The following PYGM variants were observed in gnomAD, a reference collection of about 807,000 sequenced individuals.
PYGM encodes the protein glycogen phosphorylase, muscle associated.
In PYGM, 81 loss-of-function variants were observed where a neutral mutation model predicts 99.3. The ratio of observed to expected loss-of-function variants is 0.82; its 90% CI spans 0.68 to 0.98. The LOEUF (loss-of-function observed/expected upper bound fraction) is 0.98. PYGM is among the 50% of genes least tolerant of loss of function. The probability of loss-of-function intolerance (pLI) is 0.00; values close to 1 mark genes in which losing one functional copy is unlikely to be tolerated. For synonymous variants in PYGM, 436 were observed against 451.5 expected, an observed-to-expected ratio of 0.97 and a Z score of 0.44; for missense variants, 1,030 against 1,158.1, an observed-to-expected ratio of 0.89 and a Z score of 1.61.
chr11:64,752,976 TG>T, intron 12 of PYGM, 96 bp downstream of exon 12: 1 of 1,151,196 alleles, frequency 8.7e-7, no homozygotes, highest in Non-Finnish European at 1.3e-6. Context: ...AGCCTTCAGC[TG>T]GGAGCCCTGA....
intron 16 of PYGM, 121 bp downstream of exon 16, chr11:64,751,204 A>T: frequency 1.4e-6 from 2 of 1,447,926 alleles, no homozygotes; most frequent in Non-Finnish European, 1.9e-6. Flanking sequence ...CTCATGGTTT[A>T]AGCATTGCCC....
At chr11:64,756,092 G>A (rs2058393026) in intron 5 of PYGM, among the ~76,000 whole-genome samples, 1 of 152,210 alleles carries the variant, frequency 6.6e-6, no homozygotes, top group Admixed American at 6.5e-5. Flanking sequence ...CGGTGCCAGG[G>A]GTACATTCAC....
In PYGM at chr11:64,747,194, C is replaced by T. The variant is rs750398407; in HGVS notation, c.2312+30G>A. ...AGCCTCGATCTGCCCTGCGGCCCCA[C>T]CTGAGTGATTCCCGGGCCAACCAGC... is the stretch of plus-strand genomic sequence containing the variant. On this transcript the variant is annotated intron_variant, in intron 18 of 19. Coordinates refer to ENST00000164139, the MANE Select transcript of PYGM (RefSeq NM_005609.4). 12 of 1,612,664 alleles carry T rather than the reference C, an allele frequency of 7.4e-6. No homozygotes were observed. In the African/African-American group the frequency reaches 1.2e-4, roughly 16 times the overall value.
Position 64,752,398 on chromosome 11 carries a change from C to T in PYGM, c.1620+5G>A. 1.2e-6 allele frequency: 2 copies of T among 1,613,256 alleles called. No homozygotes were observed. The highest frequency in any genetic ancestry group is 3.3e-4 in the Middle Eastern group (2 of 6,062). ...ACAGCTGTCCCACATTGCATCTCTC[C>T]CCACCTGCTTCACTTTGGCCACATC... On this transcript the variant is annotated splice_donor_5th_base_variant and intron_variant, in intron 13 of 19. Coordinates refer to ENST00000164139, the MANE Select transcript of PYGM (RefSeq NM_005609.4).
intron 1 of PYGM, among the ~76,000 whole-genome samples, chr11:64,759,268 C>T (rs1242969433): frequency 6.6e-6 from 1 of 151,988 alleles, no homozygotes; most frequent in Non-Finnish European, 1.5e-5. Context: ...TTACCAGTGA[C>T]CCCACCGGAC....
intron 17 of PYGM, chr11:64,748,684 T>C (rs765682751): frequency 6.6e-6 from 1 of 152,188 alleles, no homozygotes; most frequent in Non-Finnish European, 1.5e-5. Context: ...GCTCATAGGA[T>C]GGAATGTTAT....
chr11:64,758,755 C>T, intron 1 of PYGM, 51 bp from the exon 2 acceptor site: 1 of 1,499,538 alleles, frequency 6.7e-7, no homozygotes, highest in Non-Finnish European at 9.3e-7. Flanking sequence ...CACACACCAA[C>T]ACTCAGCCAG....
At chr11:64,749,301 C>T (rs927194622) in intron 17 of PYGM, among the ~76,000 whole-genome samples, 4 of 151,868 alleles carry the variant, frequency 2.6e-5, no homozygotes, top group Admixed American at 2.0e-4. Flanking sequence ...GAGCCAAGAT[C>T]GTGCCATTGC....
chr11:64,758,695 A>T lies in PYGM; in HGVS notation c.253T>A (p.Tyr85Asn). 6.2e-7 allele frequency: 1 copy of T among 1,606,074 alleles called. No homozygotes were observed. Among genetic ancestry groups the T allele is most frequent in the Non-Finnish European group, 8.5e-7 (1 of 1,172,778 alleles). Residue 85 changes from tyrosine to asparagine, a missense_variant, in exon 2 of 20, where the codon TAC (tyrosine) becomes AAC (asparagine). Physicochemically the swap from Tyr to Asn is moderately radical, Grantham distance 143. Transcript: ENST00000164139. ...YYEKDPKRIYYLSLEFYMGRT... is the reference protein window; with the variant it reads ...YYEKDPKRIYNLSLEFYMGRT... ...CCCATATAGAACTCTAAAGACAGGT[A>T]GTAGATCCTCTGCCCAGAGAGACGG...
Position 64,754,209 on chromosome 11 carries a change from G to A in PYGM, c.1092+44C>T, listed in dbSNP as rs777368356. 5.7e-6 allele frequency: 9 copies of A among 1,588,636 alleles called. No individual in the cohort carries two copies. The highest frequency in any genetic ancestry group is 4.5e-5 in the East Asian group (2 of 44,752). On this transcript the variant is annotated intron_variant, in intron 9 of 19. Transcript: ENST00000164139. This position sits in a 1 kb window ranked among gnomAD's most constrained non-coding sequence, Gnocchi z 5.5. ...GCTCCCAAACTGGGAAGGGAACCCCGAGGCAGAGAGCATCAGATGGGGCAG... is the reference window on the plus strand; with the variant it reads ...GCTCCCAAACTGGGAAGGGAACCCCAAGGCAGAGAGCATCAGATGGGGCAG...
chr11:64,759,516 A>G, intron 1 of PYGM, 140 bp downstream of exon 1: 1 of 1,397,642 alleles, frequency 7.2e-7, no homozygotes, highest in Admixed American at 1.9e-5. Flanking sequence ...AGATTGTCCC[A>G]GCACCCCTTG....
intron 17 of PYGM, among the ~76,000 whole-genome samples, chr11:64,749,232 A>G (rs958695875): frequency 2.6e-5 from 4 of 151,976 alleles, no homozygotes; most frequent in African/African-American, 9.7e-5. Flanking sequence ...CTGTAATCCC[A>G]GCTACTCAGG....
chr11:64,747,369 A>G lies in PYGM; in HGVS notation c.2178-11T>C. ...TCCTGGGCATTGTACCTGCCAGGACAGAGCTGTGGTCAGCTCCCCGGAAAG... is the reference window on the plus strand; with the variant it reads ...TCCTGGGCATTGTACCTGCCAGGACGGAGCTGTGGTCAGCTCCCCGGAAAG... On this transcript the variant is annotated splice_polypyrimidine_tract_variant and intron_variant, in intron 17 of 19. Coordinates refer to ENST00000164139, the MANE Select transcript of PYGM (RefSeq NM_005609.4). 6.2e-7 allele frequency: 1 copy of G among 1,614,202 alleles called. No individual in the cohort carries two copies. The highest frequency in any genetic ancestry group is 1.1e-5 in the South Asian group (1 of 91,084).
In PYGM at chr11:64,758,458, C is replaced by G. The variant is rs780246932; in HGVS notation, c.403G>C (p.Gly135Arg). Reference protein sequence around the residue: ...EIEEDAGLGNGGLGRLAACFL... With the variant: ...EIEEDAGLGNRGLGRLAACFL... Reference sequence around the variant, plus strand: ...TTACCTGCCAGCCGGCCCAGGCCCCCGTTGCCCAGCCCCGCATCCTCCTCA... The same window carrying G: ...TTACCTGCCAGCCGGCCCAGGCCCCGGTTGCCCAGCCCCGCATCCTCCTCA... Residue 135 changes from glycine to arginine, a missense_variant, in exon 3 of 20, where the codon GGG becomes CGG. Coordinates refer to ENST00000164139, the MANE Select transcript of PYGM (RefSeq NM_005609.4). The G allele has an allele frequency of 1.2e-6, 2 of 1,613,876 alleles. No homozygotes were observed. Among genetic ancestry groups the G allele is most frequent in the East Asian group, 2.2e-5 (1 of 44,896 alleles).
intron 16 of PYGM, 115 bp downstream of exon 16, chr11:64,751,210 T>A: frequency 6.8e-7 from 1 of 1,480,788 alleles, no homozygotes; most frequent in Non-Finnish European, 9.2e-7. Context: ...GTTTAAGCAT[T>A]GCCCTCTCCA....
In PYGM at chr11:64,752,023, G is replaced by A; in HGVS notation, c.1669C>T (p.His557Tyr). Residue 557 changes from histidine to tyrosine, a missense_variant, in exon 14 of 20, where the codon CAC (histidine) becomes TAC (tyrosine). By Grantham distance (83) the His-to-Tyr change is moderately conservative (BLOSUM62 2). Coordinates refer to ENST00000164139, the MANE Select transcript of PYGM (RefSeq NM_005609.4). Reference protein sequence around the residue: ...AAYLEREYKVHINPNSLFDIQ... With the variant: ...AAYLEREYKVYINPNSLFDIQ... ...TCGAAGAGTGAGTTGGGGTTGATGTGGACTTTGTATTCCCTCTCTAGGTAG... is the reference window on the plus strand; with the variant it reads ...TCGAAGAGTGAGTTGGGGTTGATGTAGACTTTGTATTCCCTCTCTAGGTAG... 1 of 1,613,858 alleles carries A rather than the reference G, an allele frequency of 6.2e-7. No individual in the cohort carries two copies. Among genetic ancestry groups the A allele is most frequent in the South Asian group, 1.1e-5 (1 of 91,066 alleles).
chr11:64,755,918 T>G lies in PYGM; in HGVS notation c.661-360A>C, dbSNP rs991585569. The stretch of plus-strand genomic sequence containing the variant: ...CCTGAGCAAAAGCTAGAGGACACTG[T>G]GGACTCATGAGAGGGCTGGGGGAAC... On this transcript the variant is annotated intron_variant, in intron 5 of 19. Coordinates refer to ENST00000164139, the MANE Select transcript of PYGM (RefSeq NM_005609.4). This position sits in a 1 kb window ranked among gnomAD's most constrained non-coding sequence, Gnocchi z 4.1. 6.6e-5 allele frequency among the ~76,000 whole-genome samples: 10 copies of G among 152,254 alleles called. No homozygotes were observed. Among genetic ancestry groups the G allele is most frequent in the Admixed American group, 5.2e-4 (8 of 15,304 alleles).
rs759846298 is a variant in PYGM, at chr11:64,754,290, C to T, written c.1055G>A (p.Arg352Lys). The T allele has an allele frequency of 3.7e-6, 6 of 1,613,874 alleles. No homozygotes were observed. The highest frequency in any genetic ancestry group is 5.1e-6 in the Non-Finnish European group (6 of 1,179,962). The change falls in exon 9 of 20, where the codon AGG becomes AAG. Residue 352 changes from arginine to lysine, a missense_variant. Physicochemically the swap from Arg to Lys is conservative, Grantham distance 26 (BLOSUM62 2). Transcript: ENST00000164139. The surrounding 1 kb of genome is among the most constrained non-coding windows in gnomAD (Gnocchi z 5.5). The part of the protein sequence containing the change: ...HPSLAIPELM[R>K]ILVDLERMDW... ...CATCCGTTCCAGGTCCACCAGGATC[C>T]TCATCAGCTCGGGGATGGCCAGGGA...
At chr11:64,748,355 C>T (rs1836582253) in intron 17 of PYGM, 1 of 152,218 alleles carries the variant, frequency 6.6e-6, no homozygotes, top group Non-Finnish European at 1.5e-5. Flanking sequence ...ACAGCTCCCT[C>T]CTGCCCATGG....
Sources: gnomAD v4.1 joint callset for allele counts (sites outside exome capture counted in the v4.1 genomes callset) on GRCh38, gnomAD v4.1.1 for gene constraint, Gnocchi (gnomAD v3.1) non-coding constraint, MANE v1.5 for transcripts, NCBI Gene and HGNC (gene_info 2026-07-23, HGNC 2026-07-21) for gene names.